TXNDC5: variants seen among roughly 807,000 people sequenced by gnomAD.
TXNDC5 encodes the protein thioredoxin domain-containing protein 5.
A neutral mutation model predicts 52.6 loss-of-function variants in TXNDC5; 44 were observed. That is an observed-to-expected ratio of 0.84 (90% CI 0.66 to 1.08). The LOEUF is 1.08. Among genes scored for constraint, TXNDC5 ranks in the 50% least tolerant of loss-of-function variants. The probability of loss-of-function intolerance (pLI) is 0.00; values close to 1 mark genes in which losing one functional copy is unlikely to be tolerated. For synonymous variants in TXNDC5, 241 were observed against 234.4 expected (o/e 1.03, Z -0.26); for missense variants, 600 against 565.5 (o/e 1.06, Z -0.62).
intron 4 of TXNDC5, among the ~76,000 whole-genome samples, chr6:7,892,958 T>G (rs1760245553): frequency 6.6e-6 from 1 of 152,258 alleles, no homozygotes; most frequent in South Asian, 2.1e-4. Flanking sequence ...CTGGCAGTTT[T>G]ATTTCTTGAA....
Position 7,895,131 on chromosome 6 carries a change from G to T in TXNDC5, c.591C>A (p.Ser197Arg). ...LKQGLYELSA[S>R]NFELHVAQGD... is the part of the protein sequence containing the mutation. ...CTTGTGCAACGTGCAGCTCAAAGTT[G>T]CTTGCTGAGAGCTCATACAGCCCTT... Residue 197 changes from serine (S) to arginine (R), a missense_variant, in exon 4 of 10, where the codon AGC (serine) becomes AGA (arginine). Transcript: ENST00000379757. 1 of 1,613,812 alleles carries T rather than the reference G, an allele frequency of 6.2e-7. No homozygotes were observed. Among genetic ancestry groups the T allele is most frequent in the Non-Finnish European group, 8.5e-7 (1 of 1,179,872 alleles).
At chr6:7,887,420 G>A (rs1332022295) in intron 7 of TXNDC5, among the ~76,000 whole-genome samples, 3 of 151,016 alleles carry the variant, frequency 2.0e-5, no homozygotes, top group Non-Finnish European at 4.4e-5. Flanking sequence ...CCCTTTCCTC[G>A]AGCTCTGGCC....
chr6:7,906,558 G>A (rs4960366), intron 1 of TXNDC5, among the ~76,000 whole-genome samples: 53,321 of 114,182 alleles, frequency 0.47, 12,473 homozygotes, highest in East Asian at 0.74. Context: ...AAAAAAAAAA[G>A]AAAAACAGAC....
chr6:7,904,482 G>T (rs769695257), intron 2 of TXNDC5, 92 bp downstream of exon 2: 3 of 1,504,348 alleles, frequency 2.0e-6, no homozygotes, highest in African/African-American at 2.8e-5. Flanking sequence ...CTTAAATTTA[G>T]TATCTCTTCA....
rs987483214 is a variant in TXNDC5, at chr6:7,883,097, C to T, written c.*47G>A. On this transcript the variant is annotated 3_prime_UTR_variant, in exon 10 of 10. Coordinates refer to ENST00000379757, the MANE Select transcript of TXNDC5 (RefSeq NM_030810.5). Reference sequence around the variant, plus strand: ...GCCTCTGTGGGACTGAACTCCTAAACGCAGGGTGCGGGAGCTGGGCAGGAG... The same window carrying T: ...GCCTCTGTGGGACTGAACTCCTAAATGCAGGGTGCGGGAGCTGGGCAGGAG... The T allele has an allele frequency of 2.6e-5, 42 of 1,612,510 alleles. No individual in the cohort carries two copies. Among genetic ancestry groups the T allele is most frequent in the African/African-American group, 6.7e-5 (5 of 74,936 alleles).
chr6:7,884,288 G>A (rs938268173), intron 9 of TXNDC5, 71 bp downstream of exon 9: 2 of 1,592,390 alleles, frequency 1.3e-6, no homozygotes, highest in South Asian at 1.1e-5. Context: ...AGTTATCGTG[G>A]TTGAGGCACA....
At chr6:7,888,102 G>A (rs917792170) in intron 7 of TXNDC5, among the ~76,000 whole-genome samples, 1 of 152,166 alleles carries the variant, frequency 6.6e-6, no homozygotes, top group African/African-American at 2.4e-5. Context: ...ATTCCCTGGT[G>A]GCCTAGAACA....
At chr6:7,888,933 G>A (rs540941410) in intron 6 of TXNDC5, 85 bp from the exon 7 acceptor site, 20 of 1,492,746 alleles carry the variant, frequency 1.3e-5, no homozygotes, top group South Asian at 6.7e-5. Flanking sequence ...CTGCTTGCCC[G>A]GGTCAGAGCT....
At chr6:7,904,168 C>G (rs1227479886) in intron 2 of TXNDC5, among the ~76,000 whole-genome samples, 1 of 152,224 alleles carries the variant, frequency 6.6e-6, no homozygotes, top group Admixed American at 6.5e-5. Context: ...GTCTGTCAGA[C>G]TCTATACTTT....
chr6:7,908,281 C>CACA (rs1760801920), intron 1 of TXNDC5, among the ~76,000 whole-genome samples: 2 of 62,766 alleles, frequency 3.2e-5, no homozygotes, highest in African/African-American at 1.1e-4. Flanking sequence ...GACTCCATCT[C>CACA]AAAAAAAAAA....
chr6:7,882,834 C>A lies in TXNDC5; in HGVS notation c.*310G>T. The A allele has an allele frequency of 4.3e-6, 1 of 231,482 alleles. No individual in the cohort carries two copies. Among genetic ancestry groups the A allele is most frequent in the Non-Finnish European group, 8.5e-6 (1 of 118,336 alleles). 14.3% of individuals were successfully genotyped at this position (231,482 alleles called of 1,614,324 possible). On this transcript the variant is annotated 3_prime_UTR_variant, in exon 10 of 10. Transcript: ENST00000379757. ...ACAAATAGTCCAGCAATTTCATTTC[C>A]CTCAACGCTATTTTAGTCTCAAAGG...
chr6:7,909,486 GT>G (rs1760840472), intron 1 of TXNDC5, among the ~76,000 whole-genome samples: 1 of 152,204 alleles, frequency 6.6e-6, no homozygotes, highest in Admixed American at 6.5e-5. Context: ...CCAGGGTAGG[GT>G]CTCTCAGGTC....
intron 1 of TXNDC5, among the ~76,000 whole-genome samples, chr6:7,907,567 C>A (rs1760777940): frequency 6.6e-6 from 1 of 152,240 alleles, no homozygotes; most frequent in Non-Finnish European, 1.5e-5. Flanking sequence ...GTTTTTGTTA[C>A]AGGGGCCCCA....
intron 2 of TXNDC5, 84 bp from the exon 3 acceptor site, chr6:7,899,765 A>C: frequency 9.1e-7 from 1 of 1,096,436 alleles, no homozygotes; most frequent in Non-Finnish European, 1.3e-6. Context: ...ACAATCAGAA[A>C]ATGAGCTGTC....
intron 4 of TXNDC5, 66 bp downstream of exon 4, chr6:7,895,040 G>C (rs1006514228): frequency 6.4e-7 from 1 of 1,552,526 alleles, no homozygotes; most frequent in Non-Finnish European, 8.7e-7. Context: ...TAGCAGGAAG[G>C]AAAAGCCCAG....
intron 1 of TXNDC5, among the ~76,000 whole-genome samples, chr6:7,908,518 T>TA (rs10708121): frequency 0.088 from 12,727 of 144,462 alleles, 620 homozygotes; most frequent in African/African-American, 0.14. Flanking sequence ...AGTTTTTCTT[T>TA]AAAAAAAAAA....
At chr6:7,887,712 C>T (rs1225943) in intron 7 of TXNDC5, among the ~76,000 whole-genome samples, 1 of 151,996 alleles carries the variant, frequency 6.6e-6, no homozygotes, top group African/African-American at 2.4e-5. Context: ...GATACAGTTC[C>T]TAATCCTTGG....
At chr6:7,908,212 G>A (rs1417079351) in intron 1 of TXNDC5, among the ~76,000 whole-genome samples, 1 of 149,772 alleles carries the variant, frequency 6.7e-6, no homozygotes, top group Non-Finnish European at 1.5e-5. Context: ...AAACCCAGGA[G>A]GTGGAGGTTG....
intron 1 of TXNDC5, among the ~76,000 whole-genome samples, chr6:7,908,004 G>A (rs1760790984): frequency 6.6e-6 from 1 of 152,216 alleles, no homozygotes; most frequent in Non-Finnish European, 1.5e-5. Flanking sequence ...CAACAAATAT[G>A]CCAGGTGCGG....
Sources: gnomAD v4.1 joint callset for allele counts (sites outside exome capture counted in the v4.1 genomes callset) on GRCh38, gnomAD v4.1.1 for gene constraint, MANE v1.5 for transcripts, NCBI Gene and HGNC (gene_info 2026-07-23, HGNC 2026-07-21) for gene names.